POFUT3: variants seen among roughly 807,000 people sequenced by gnomAD.
The protein encoded by POFUT3 is GDP-fucose protein O-fucosyltransferase 3.
the POFUT3 span, among the ~76,000 whole-genome samples, chr8:33,419,448 A>G: frequency 6.6e-6 from 1 of 152,164 alleles, no homozygotes; most frequent in Admixed American, 6.5e-5. Context: ...CATGTGCATG[A>G]CAATAGGGTT....
At chr8:33,440,323 C>T in the POFUT3 span, among the ~76,000 whole-genome samples, 1 of 152,094 alleles carries the variant, frequency 6.6e-6, no homozygotes, top group African/African-American at 2.4e-5. Flanking sequence ...GATCATGTCA[C>T]AGCACTCCAG....
the POFUT3 span, among the ~76,000 whole-genome samples, chr8:33,347,154 C>T: frequency 6.6e-6 from 1 of 152,126 alleles, no homozygotes; most frequent in Non-Finnish European, 1.5e-5. Flanking sequence ...CCAGGTTCTT[C>T]CAATCCCTAA....
chr8:33,421,022 G>C, the POFUT3 span, among the ~76,000 whole-genome samples: 5 of 151,858 alleles, frequency 3.3e-5, no homozygotes, highest in African/African-American at 1.2e-4. Flanking sequence ...CTATAGGAAA[G>C]ACAGGTGGGA....
the POFUT3 span, among the ~76,000 whole-genome samples, chr8:33,418,509 G>T: frequency 6.6e-6 from 1 of 150,992 alleles, no homozygotes; most frequent in East Asian, 1.9e-4. Context: ...CACCACGTTG[G>T]CTGGGCTGGT....
At chr8:33,381,073 G>T in the POFUT3 span, among the ~76,000 whole-genome samples, 1 of 151,770 alleles carries the variant, frequency 6.6e-6, no homozygotes, top group Non-Finnish European at 1.5e-5. Context: ...GGAAGTGGAA[G>T]CTATAGTGAA....
At chr8:33,367,221 G>A in the POFUT3 span, among the ~76,000 whole-genome samples, 1 of 152,224 alleles carries the variant, frequency 6.6e-6, no homozygotes, top group African/African-American at 2.4e-5. Flanking sequence ...ACGCTGGAAG[G>A]TGGTGGGCTT....
the POFUT3 span, chr8:33,389,254 T>A: frequency 6.2e-7 from 1 of 1,614,128 alleles, no homozygotes; most frequent in Admixed American, 1.7e-5. Flanking sequence ...TGCTGGGGGA[T>A]CCGTAATATA....
the POFUT3 span, among the ~76,000 whole-genome samples, chr8:33,418,373 T>C: frequency 2.7e-5 from 4 of 148,122 alleles, no homozygotes; most frequent in Non-Finnish European, 4.5e-5. Context: ...AGACAAAAAA[T>C]AACAGATGCT....
the POFUT3 span, among the ~76,000 whole-genome samples, chr8:33,318,825 AT>A: frequency 2.0e-5 from 1 of 49,160 alleles, no homozygotes; most frequent in Non-Finnish European, 2.9e-5. Context: ...ATATATATAT[AT>A]TTTATATATA....
chr8:33,377,167 G>A, the POFUT3 span, among the ~76,000 whole-genome samples: 1 of 151,918 alleles, frequency 6.6e-6, no homozygotes, highest in Non-Finnish European at 1.5e-5. Flanking sequence ...GGGAGGCGGA[G>A]GTTGCAGTAA....
At chr8:33,422,331 T>C in the POFUT3 span, among the ~76,000 whole-genome samples, 9 of 151,542 alleles carry the variant, frequency 5.9e-5, no homozygotes, top group African/African-American at 2.2e-4. Flanking sequence ...TCACCTGAGA[T>C]CAGGAGTTCA....
chr8:33,443,255 G>A, the POFUT3 span, among the ~76,000 whole-genome samples: 89,557 of 151,984 alleles, frequency 0.59, 26,659 homozygotes, highest in African/African-American at 0.63. Context: ...CTCCTGAGAC[G>A]AAATGTCTTT....
the POFUT3 span, among the ~76,000 whole-genome samples, chr8:33,449,983 G>C: frequency 7.5e-5 from 11 of 145,786 alleles, no homozygotes; most frequent in Non-Finnish European, 4.5e-5. Context: ...TGCCTCCCAG[G>C]CTGGAGTGCA....
chr8:33,461,300 T>C, the POFUT3 span: 1 of 1,498,826 alleles, frequency 6.7e-7, no homozygotes. Flanking sequence ...ATTGGAGTTT[T>C]GAGAAAATAG....
the POFUT3 span, chr8:33,436,582 A>T: frequency 1.1e-6 from 1 of 899,988 alleles, no homozygotes; most frequent in East Asian, 2.5e-5. Flanking sequence ...TTCTATGTGC[A>T]CAAAGCCATA....
the POFUT3 span, among the ~76,000 whole-genome samples, chr8:33,313,573 G>C: frequency 6.6e-6 from 1 of 151,622 alleles, no homozygotes; most frequent in Non-Finnish European, 1.5e-5. Flanking sequence ...GAATAAAATG[G>C]AACCATCATC....
At chr8:33,326,227 G>T in the POFUT3 span, among the ~76,000 whole-genome samples, 1 of 152,026 alleles carries the variant, frequency 6.6e-6, no homozygotes, top group Non-Finnish European at 1.5e-5. Flanking sequence ...TTCAAGCATG[G>T]CCCCAAATCT....
chr8:33,453,391 T>A, the POFUT3 span: 1 of 1,614,232 alleles, frequency 6.2e-7, no homozygotes, highest in East Asian at 2.2e-5. Flanking sequence ...TGAAGGTCAA[T>A]CCTTCTTTCT....
chr8:33,404,499 G>A, the POFUT3 span, among the ~76,000 whole-genome samples: 1 of 152,218 alleles, frequency 6.6e-6, no homozygotes, highest in East Asian at 1.9e-4. Flanking sequence ...TCCCCACCAT[G>A]TGGAGAAATG....
Sources: allele counts gnomAD v4.1 joint callset (sites outside exome capture counted in the v4.1 genomes callset), GRCh38; gene constraint gnomAD v4.1.1; transcripts MANE v1.5; gene names NCBI Gene and HGNC (gene_info 2026-07-23, HGNC 2026-07-21).